The following ZNF678 variants were observed in gnomAD, a reference collection of about 807,000 sequenced individuals.
ZNF678 encodes the protein zinc finger protein 678, also known as hypothetical protein MGC42493.
Under a neutral mutation model 3.0 loss-of-function variants are expected in ZNF678, and 5 were observed. The observed-to-expected ratio is 1.69, with a 90% confidence interval of 0.88 to 3.56. ZNF678 has a LOEUF of 3.56. Ranked by LOEUF, ZNF678 falls within the 30% of genes most tolerant of loss-of-function variation. ZNF678 has a pLI of 0.00. For synonymous variants in ZNF678, 218 were observed against 199.6 expected, an observed-to-expected ratio of 1.09 and a Z score of -0.78; for missense variants, 593 against 605.0, an observed-to-expected ratio of 0.98 and a Z score of 0.21.
In ZNF678 at chr1:227,619,535, G is replaced by T. The variant is rs372437560; in HGVS notation, c.-163-27009G>T. Among the ~76,000 whole-genome samples the T allele has an allele frequency of 1.1e-4, 17 of 150,964 alleles. 1 individual carries two copies. The East Asian group carries it at 3.3e-3, about 30-fold the overall frequency. On this transcript the variant is annotated intron_variant, in intron 1 of 3. Coordinates refer to ENST00000343776, the MANE Select transcript of ZNF678 (RefSeq NM_001367909.1). ...TGCAATTTTTTTTTTGTTTTTCGAC[G>T]GAGTCTTGCTCTGTTGCCCAGGCTG...
intron 2 of ZNF678, among the ~76,000 whole-genome samples, chr1:227,649,214 T>C (rs1324534876): frequency 2.6e-5 from 4 of 152,250 alleles, no homozygotes; most frequent in African/African-American, 7.2e-5. Flanking sequence ...CCTTTGGTTA[T>C]ATACACAGAA....
intron 1 of ZNF678, among the ~76,000 whole-genome samples, chr1:227,579,023 C>T (rs1657054727): frequency 6.6e-6 from 1 of 152,186 alleles, no homozygotes; most frequent in Admixed American, 6.5e-5. Context: ...GGCCAGCACT[C>T]AGTTCCCAAA....
At chr1:227,593,844 T>C (rs1657484052) in intron 1 of ZNF678, among the ~76,000 whole-genome samples, 1 of 145,354 alleles carries the variant, frequency 6.9e-6, no homozygotes, top group Admixed American at 7.0e-5. Context: ...GACTCTGGTG[T>C]TATGAGTCCA....
At chr1:227,623,655 T>C (rs1658335557) in intron 1 of ZNF678, among the ~76,000 whole-genome samples, 1 of 152,218 alleles carries the variant, frequency 6.6e-6, no homozygotes, top group African/African-American at 2.4e-5. Context: ...TTTAAAATGT[T>C]AATAATTAAA....
At chr1:227,643,498 C>T (rs1658872123) in intron 1 of ZNF678, among the ~76,000 whole-genome samples, 1 of 152,228 alleles carries the variant, frequency 6.6e-6, no homozygotes, top group East Asian at 1.9e-4. Context: ...AATATGTTTC[C>T]ACCCTGGCAT....
intron 1 of ZNF678, among the ~76,000 whole-genome samples, chr1:227,614,873 T>C (rs1416758335): frequency 6.6e-6 from 1 of 152,222 alleles, no homozygotes; most frequent in East Asian, 1.9e-4. Context: ...CCTGACCACA[T>C]TGCTACCCAG....
intron 1 of ZNF678, among the ~76,000 whole-genome samples, chr1:227,623,517 A>G (rs527932932): frequency 2.4e-4 from 37 of 152,340 alleles, no homozygotes; most frequent in African/African-American, 8.9e-4. Context: ...TGACAGTATC[A>G]TTTCACTGGT....
At chr1:227,596,553 G>T (rs940181625) in intron 1 of ZNF678, among the ~76,000 whole-genome samples, 4 of 152,204 alleles carry the variant, frequency 2.6e-5, no homozygotes, top group African/African-American at 9.7e-5. Context: ...GTGCCGGGCT[G>T]TCTGCCTGTG....
chr1:227,622,784 C>T (rs1417279622), intron 1 of ZNF678, among the ~76,000 whole-genome samples: 2 of 152,172 alleles, frequency 1.3e-5, no homozygotes, highest in East Asian at 3.9e-4. Context: ...TCCCTGGCAA[C>T]CAGCCCCCAT....
chr1:227,598,756 G>A (rs749234106), intron 1 of ZNF678: 5 of 525,698 alleles, frequency 9.5e-6, no homozygotes, highest in East Asian at 8.7e-5. Flanking sequence ...TTATGTCAAC[G>A]GTTCTTTTTC....
chr1:227,650,161 T>C (rs1200200010), intron 2 of ZNF678, among the ~76,000 whole-genome samples: 1 of 152,172 alleles, frequency 6.6e-6, no homozygotes, highest in Non-Finnish European at 1.5e-5. Flanking sequence ...GACATTTAAG[T>C]CTTTATTTTG....
At chr1:227,676,240 T>C (rs1659677549) in intron 5 of ZNF678, among the ~76,000 whole-genome samples, 1 of 152,188 alleles carries the variant, frequency 6.6e-6, no homozygotes. Context: ...CTTTGATTGA[T>C]AGCATCCCAG....
At chr1:227,644,925 A>C (rs925015275) in intron 1 of ZNF678, among the ~76,000 whole-genome samples, 40 of 152,238 alleles carry the variant, frequency 2.6e-4, no homozygotes, top group African/African-American at 8.4e-4. Flanking sequence ...CCTTAGATAC[A>C]TTTGTGAGAG....
intron 1 of ZNF678, among the ~76,000 whole-genome samples, chr1:227,634,991 C>T (rs957475878): frequency 6.6e-6 from 1 of 151,938 alleles, no homozygotes; most frequent in Non-Finnish European, 1.5e-5. Flanking sequence ...TTGTGTCACC[C>T]TTCCTCCAGC....
rs1320006350 is a variant in ZNF678 at position 227,654,930 on chromosome 1, A to T, written c.680A>T (p.His227Leu). ...AFTQFSNLTQ[H>L]KRIHTGEKPY... ...ACCCAGTTCTCAAACCTTACACAACATAAGAGAATTCATACTGGAGAGAAA... is the reference window on the plus strand; with the variant it reads ...ACCCAGTTCTCAAACCTTACACAACTTAAGAGAATTCATACTGGAGAGAAA... The change falls in exon 4 of 4, where the codon CAT (histidine) becomes CTT (leucine). Residue 227 changes from histidine to leucine, a missense_variant. His to Leu is a moderately conservative substitution (Grantham distance 99, BLOSUM62 -3). Transcript: ENST00000343776. 3.1e-6 allele frequency: 5 copies of T among 1,612,678 alleles called. No homozygotes were observed. Among genetic ancestry groups the T allele is most frequent in the Non-Finnish European group, 4.2e-6 (5 of 1,179,508 alleles).
Position 227,654,333 on chromosome 1 carries a change from C to G in ZNF678, c.86-3C>G, listed in dbSNP as rs566705673. 1 of 1,495,930 alleles carries G rather than the reference C, an allele frequency of 6.7e-7. No homozygotes were observed. Among genetic ancestry groups the G allele is most frequent in the Admixed American group, 2.4e-5 (1 of 40,940 alleles). The allele number at this position is 1,495,930 out of a possible 1,614,324, so 92.7% of individuals were successfully genotyped here. ...AATAACTTTTTATTTTTATTTCTTT[C>G]AGCTATTTTATCTTATTCCATTCAA... On this transcript the variant is annotated splice_region_variant and splice_polypyrimidine_tract_variant and intron_variant, in intron 3 of 3. Coordinates refer to ENST00000343776, the MANE Select transcript of ZNF678 (RefSeq NM_001367909.1).
At chr1:227,608,212 C>G (rs1162007467) in intron 1 of ZNF678, among the ~76,000 whole-genome samples, 1 of 151,834 alleles carries the variant, frequency 6.6e-6, no homozygotes, top group East Asian at 1.9e-4. Flanking sequence ...GCCATCTAGC[C>G]ACATACACAT....
chr1:227,580,647 AG>A (rs1426487804), intron 1 of ZNF678, among the ~76,000 whole-genome samples: 9 of 152,268 alleles, frequency 5.9e-5, no homozygotes, highest in African/African-American at 1.9e-4. Flanking sequence ...TTACCACAAA[AG>A]GCCAGGCACG....
intron 1 of ZNF678, among the ~76,000 whole-genome samples, chr1:227,601,679 C>T (rs1419372801): frequency 6.6e-6 from 1 of 152,130 alleles, no homozygotes. Flanking sequence ...ATTCTCCTGC[C>T]TCAGCCTCCC....
Sources: gnomAD v4.1 joint callset for allele counts (sites outside exome capture counted in the v4.1 genomes callset) on GRCh38, gnomAD v4.1.1 for gene constraint, MANE v1.5 for transcripts, NCBI Gene and HGNC (gene_info 2026-07-23, HGNC 2026-07-21) for gene names.